PTCD2: variants seen among roughly 807,000 people sequenced by gnomAD.
The protein encoded by PTCD2 is pentatricopeptide repeat domain 2, also known as pentatricopeptide repeat-containing protein 2, mitochondrial.
PTCD2 carries 31 observed loss-of-function variants against 42.6 expected under a neutral mutation model. That is an observed-to-expected ratio of 0.73 (90% CI 0.55 to 0.98). PTCD2 has a LOEUF of 0.98. PTCD2 is among the 50% of genes least tolerant of loss of function. The probability of loss-of-function intolerance (pLI) is 0.00; values close to 1 mark genes in which losing one functional copy is unlikely to be tolerated. For synonymous variants in PTCD2, 183 were observed against 170.9 expected (o/e 1.07, Z -0.55); for missense variants, 476 against 454.8 (o/e 1.05, Z -0.42).
At chr5:72,320,694 G>A in intron 1 of PTCD2, 185 bp downstream of exon 1, 1 of 716,708 alleles carries the variant, frequency 1.4e-6, no homozygotes, top group Non-Finnish European at 2.3e-6. Flanking sequence ...TACCCCCAGT[G>A]CCTGCAAATC....
intron 8 of PTCD2, among the ~76,000 whole-genome samples, chr5:72,347,732 T>C (rs940638130): frequency 1.1e-4 from 17 of 151,772 alleles, no homozygotes; most frequent in African/African-American, 2.2e-4. Flanking sequence ...TTTTTTTTTT[T>C]CCCCCAAATG....
At chr5:72,327,704 C>T (rs1045071871) in intron 3 of PTCD2, among the ~76,000 whole-genome samples, 1 of 152,110 alleles carries the variant, frequency 6.6e-6, no homozygotes, top group Non-Finnish European at 1.5e-5. Flanking sequence ...AACTCCTAGA[C>T]TCAAGTGATC....
At chr5:72,330,420 T>C (rs2112144715) in intron 3 of PTCD2, among the ~76,000 whole-genome samples, 1 of 152,330 alleles carries the variant, frequency 6.6e-6, no homozygotes. Flanking sequence ...CTCCCCAAGG[T>C]ATTTTAGATT....
At chr5:72,330,004 C>G (rs988919746) in intron 3 of PTCD2, among the ~76,000 whole-genome samples, 1 of 150,984 alleles carries the variant, frequency 6.6e-6, no homozygotes, top group African/African-American at 2.4e-5. Flanking sequence ...GCTATCTCGG[C>G]TCACTGCAAG....
At chr5:72,335,738 T>C in intron 5 of PTCD2, 56 bp from the exon 6 acceptor site, 1 of 1,132,964 alleles carries the variant, frequency 8.8e-7, no homozygotes, top group Non-Finnish European at 1.3e-6. Flanking sequence ...ATGAGAGCTT[T>C]GGGGGCCAAC....
At chr5:72,347,687 C>G (rs952264639) in intron 8 of PTCD2, among the ~76,000 whole-genome samples, 1 of 151,934 alleles carries the variant, frequency 6.6e-6, no homozygotes, top group Non-Finnish European at 1.5e-5. Flanking sequence ...ACTCTGCCTC[C>G]AACAACAACA....
chr5:72,354,919 A>G (rs1196578378), intron 9 of PTCD2, among the ~76,000 whole-genome samples: 1 of 152,244 alleles, frequency 6.6e-6, no homozygotes, highest in Non-Finnish European at 1.5e-5. Context: ...ATATACTGCT[A>G]TGGATTACCA....
At chr5:72,351,935 T>G (rs556726960) in intron 8 of PTCD2, among the ~76,000 whole-genome samples, 2 of 152,202 alleles carry the variant, frequency 1.3e-5, no homozygotes, top group African/African-American at 2.4e-5. Flanking sequence ...TTCTGTATAC[T>G]GGTATTTTAT....
intron 7 of PTCD2, among the ~76,000 whole-genome samples, chr5:72,339,553 G>A (rs1015612726): frequency 2.6e-5 from 4 of 152,148 alleles, no homozygotes; most frequent in Middle Eastern, 3.2e-3. Flanking sequence ...ACACTTCCCA[G>A]CCTTCTGCTG....
rs914178425 is a variant in PTCD2 at position 72,364,141 on chromosome 5, T to A, written c.*5714T>A. 1 of 152,252 alleles carries A rather than the reference T, an allele frequency of 6.6e-6. No homozygotes were observed. The highest frequency in any genetic ancestry group is 2.4e-5 in the African/African-American group (1 of 41,472). The allele number at this position is 152,252 out of a possible 1,614,324, so 9.4% of individuals were successfully genotyped here. A position where few individuals can be genotyped will look rare whatever the true frequency, so the allele number is the denominator to read the frequency against. ...AATCAAGGAATTACATTGGCTTAAATGGCATTAGCTCAAAAAAGTGTTCTC... is the reference window on the plus strand; with the variant it reads ...AATCAAGGAATTACATTGGCTTAAAAGGCATTAGCTCAAAAAAGTGTTCTC... On this transcript the variant is annotated 3_prime_UTR_variant, in exon 10 of 10. Transcript: ENST00000380639.
intron 8 of PTCD2, among the ~76,000 whole-genome samples, chr5:72,349,835 CT>C (rs1256939902): frequency 6.6e-6 from 1 of 152,156 alleles, no homozygotes; most frequent in Non-Finnish European, 1.5e-5. Context: ...TTATCGGTGA[CT>C]GCCTTATGTG....
intron 2 of PTCD2, among the ~76,000 whole-genome samples, chr5:72,324,157 C>T (rs1316616683): frequency 6.6e-6 from 1 of 152,198 alleles, no homozygotes; most frequent in Admixed American, 6.5e-5. Flanking sequence ...GTGAGGTTTG[C>T]AGTTAGGGCT....
At chr5:72,351,420 T>C (rs1311607235) in intron 8 of PTCD2, among the ~76,000 whole-genome samples, 1 of 152,192 alleles carries the variant, frequency 6.6e-6, no homozygotes, top group Non-Finnish European at 1.5e-5. Context: ...CAGTAACCTG[T>C]GTGCCTGCAA....
intron 8 of PTCD2, among the ~76,000 whole-genome samples, chr5:72,348,407 T>C (rs1752466517): frequency 6.6e-6 from 1 of 152,256 alleles, no homozygotes; most frequent in Admixed American, 6.5e-5. Context: ...TTTGCTACTG[T>C]CAACTGAAAT....
At chr5:72,335,934 G>T in intron 6 of PTCD2, 49 bp downstream of exon 6, 1 of 1,130,376 alleles carries the variant, frequency 8.8e-7, no homozygotes. Context: ...TAGTCTTTGA[G>T]AGAGGATTTT....
intron 7 of PTCD2, among the ~76,000 whole-genome samples, chr5:72,340,593 T>C (rs1752004149): frequency 6.6e-6 from 1 of 152,218 alleles, no homozygotes; most frequent in African/African-American, 2.4e-5. Context: ...CTAGTTGTTT[T>C]TCCAGTTTTG....
At chr5:72,355,248 A>C (rs1752816583) in intron 9 of PTCD2, among the ~76,000 whole-genome samples, 3 of 152,170 alleles carry the variant, frequency 2.0e-5, no homozygotes. Context: ...AATGCCAAAG[A>C]AGTATATTTT....
chr5:72,336,237 T>C (rs1447554738), intron 6 of PTCD2, among the ~76,000 whole-genome samples: 2 of 152,214 alleles, frequency 1.3e-5, no homozygotes, highest in Non-Finnish European at 2.9e-5. Context: ...CTTCCTTCAT[T>C]GGTGAGCTCA....
At chr5:72,320,546 A>G (rs1459148105) in intron 1 of PTCD2, 37 bp downstream of exon 1, 1 of 1,611,268 alleles carries the variant, frequency 6.2e-7, no homozygotes, top group East Asian at 2.2e-5. Context: ...GAGGGGAGGG[A>G]TGGGAGAGAA....
Sources: allele counts gnomAD v4.1 joint callset (sites outside exome capture counted in the v4.1 genomes callset), GRCh38; gene constraint gnomAD v4.1.1; transcripts MANE v1.5; gene names NCBI Gene and HGNC (gene_info 2026-07-23, HGNC 2026-07-21).